HS6ST3: variants seen among roughly 807,000 people sequenced by gnomAD.
HS6ST3 encodes heparan sulfate 6-O-sulfotransferase 3.
A neutral mutation model predicts 36.7 loss-of-function variants in HS6ST3; 12 were observed. The observed-to-expected ratio is 0.33, with a 90% CI of 0.21 to 0.53. HS6ST3 has a LOEUF of 0.53. Among genes scored for constraint, HS6ST3 ranks in the 20% least tolerant of loss-of-function variants. The pLI is 0.95. For missense variants in HS6ST3, 584 were observed against 640.9 expected (o/e 0.91, Z 0.96); for synonymous variants, 240 against 257.5 (o/e 0.93, Z 0.65).
At chr13:96,591,129 G>A (rs1446578893) in intron 1 of HS6ST3, among the ~76,000 whole-genome samples, 1 of 151,722 alleles carries the variant, frequency 6.6e-6, no homozygotes, top group Non-Finnish European at 1.5e-5. Flanking sequence ...CAGGTAAGGT[G>A]ACTCTTCTAG....
rs373598763 is a variant in HS6ST3, at chr13:96,267,856, C to T, written c.707+176287C>T. On this transcript the variant is annotated intron_variant, in intron 1 of 1. Transcript: ENST00000376705. ...TGCTGGGAGGTTGGTTACCATTGGGCTTATCATGTGAGGATCTTGTTGATA... is the reference window on the plus strand; with the variant it reads ...TGCTGGGAGGTTGGTTACCATTGGGTTTATCATGTGAGGATCTTGTTGATA... 1.3e-4 allele frequency among the ~76,000 whole-genome samples: 20 copies of T among 151,974 alleles called. No individual in the cohort carries two copies. The East Asian group carries it at 3.3e-3, about 25-fold the overall frequency.
At position 96,408,919 on chromosome 13, in the gene HS6ST3, G is replaced by A. The variant is rs1026878505; in HGVS notation, c.707+317350G>A. ...AGCTTTGGTGACAGAGTGAGACTCC[G>A]TCTCAAAAAAAAAGAAAAGAAAAGA... On this transcript the variant is annotated intron_variant, in intron 1 of 1. Coordinates refer to ENST00000376705, the MANE Select transcript of HS6ST3 (RefSeq NM_153456.4). Among the ~76,000 whole-genome samples the A allele has an allele frequency of 4.9e-4, 74 of 151,646 alleles. 1 individual carries two copies. The highest frequency in any genetic ancestry group is 2.1e-4 in the South Asian group (1 of 4,810).
At chr13:96,134,079 TC>T (rs1418358691) in intron 1 of HS6ST3, among the ~76,000 whole-genome samples, 1 of 152,140 alleles carries the variant, frequency 6.6e-6, no homozygotes, top group Admixed American at 6.5e-5. Flanking sequence ...TTTGTTGAAA[TC>T]CAGTTGACTG....
At chr13:96,398,245 C>G (rs1357942166) in intron 1 of HS6ST3, among the ~76,000 whole-genome samples, 1 of 152,054 alleles carries the variant, frequency 6.6e-6, no homozygotes, top group Admixed American at 6.6e-5. Flanking sequence ...AGCATCCTGC[C>G]TTGTCTCATT....
chr13:96,479,559 A>T (rs918732046), intron 1 of HS6ST3, among the ~76,000 whole-genome samples: 2 of 152,208 alleles, frequency 1.3e-5, no homozygotes, highest in Non-Finnish European at 1.5e-5. Context: ...CCATCAATAC[A>T]GGTGAGAGGG....
intron 1 of HS6ST3, among the ~76,000 whole-genome samples, chr13:96,555,405 G>A (rs958456900): frequency 2.0e-5 from 3 of 152,108 alleles, no homozygotes; most frequent in Non-Finnish European, 2.9e-5. Context: ...AGTGGGCTTG[G>A]TGCATATTTT....
chr13:96,359,091 G>T (rs2055224576), intron 1 of HS6ST3, among the ~76,000 whole-genome samples: 1 of 152,092 alleles, frequency 6.6e-6, no homozygotes, highest in Non-Finnish European at 1.5e-5. Flanking sequence ...GCTTTAGAAG[G>T]TACTTGGTGC....
chr13:96,163,222 A>ATT (rs147731415), intron 1 of HS6ST3, among the ~76,000 whole-genome samples: 910 of 79,068 alleles, frequency 0.012, 3 homozygotes, highest in Non-Finnish European at 0.013. Flanking sequence ...TCTGAGATAC[A>ATT]TTTTTTTTTT....
intron 1 of HS6ST3, among the ~76,000 whole-genome samples, chr13:96,792,835 T>A: frequency 6.6e-6 from 1 of 152,062 alleles, no homozygotes; most frequent in East Asian, 1.9e-4. Context: ...CCTCTTGTAA[T>A]GAGAAACTTG....
At chr13:96,388,942 C>G (rs1246495451) in intron 1 of HS6ST3, among the ~76,000 whole-genome samples, 1 of 152,180 alleles carries the variant, frequency 6.6e-6, no homozygotes, top group Admixed American at 6.5e-5. Flanking sequence ...TACCCAGTCT[C>G]AGGTACTTCT....
intron 1 of HS6ST3, among the ~76,000 whole-genome samples, chr13:96,343,199 T>C (rs990224556): frequency 1.3e-5 from 2 of 152,240 alleles, no homozygotes. Flanking sequence ...GCTGCTGTTG[T>C]AACCAAGTAC....
At chr13:96,248,109 A>G (rs941460676) in intron 1 of HS6ST3, among the ~76,000 whole-genome samples, 12 of 152,256 alleles carry the variant, frequency 7.9e-5, no homozygotes, top group African/African-American at 2.9e-4. Context: ...GTAAACTCTC[A>G]TTATTCAAAT....
chr13:96,196,005 ATTTC>A (rs2054311115), intron 1 of HS6ST3, among the ~76,000 whole-genome samples: 1 of 151,880 alleles, frequency 6.6e-6, no homozygotes, highest in African/African-American at 2.4e-5. Context: ...GAACCAAACA[ATTTC>A]TTTCTATTTT....
chr13:96,598,438 A>G (rs1031648692), intron 1 of HS6ST3, among the ~76,000 whole-genome samples: 2 of 151,862 alleles, frequency 1.3e-5, no homozygotes, highest in Non-Finnish European at 2.9e-5. Flanking sequence ...TTTTGTAGCT[A>G]TTGTAAAAGG....
At chr13:96,829,798 A>G (rs1393782748) in intron 1 of HS6ST3, among the ~76,000 whole-genome samples, 1 of 152,190 alleles carries the variant, frequency 6.6e-6, no homozygotes, top group Non-Finnish European at 1.5e-5. Flanking sequence ...ATAGTGTTGC[A>G]AAGAACATAC....
rs1566879538 is a variant in HS6ST3, at chr13:96,091,099, CGAGGGACCTCGGGGGGCCGCGGCGCCG to C, written c.242_268del (p.Gly81_Glu89del). ...TGCCCCCGCCGCCCCGGGGGCCCCC[CGAGGGACCTCGGGGGGCCGCGGCGCCG>C]GAGGAGGAGGACGAGGAGCCCGGAG... On this transcript the variant is annotated inframe_deletion, in exon 1 of 2. Coordinates refer to ENST00000376705, the MANE Select transcript of HS6ST3 (RefSeq NM_153456.4). 12 of 1,358,318 alleles carry C rather than the reference CGAGGGACCTCGGGGGGCCGCGGCGCCG, an allele frequency of 8.8e-6. No homozygotes were observed. Among genetic ancestry groups the C allele is most frequent in the African/African-American group, 1.5e-5 (1 of 65,064 alleles). The allele number at this position is 1,358,318 out of a possible 1,614,324, so 84.1% of individuals were successfully genotyped here. A position where few individuals can be genotyped will look rare whatever the true frequency, so the allele number is the denominator to read the frequency against.
At chr13:96,344,554 T>C (rs2055144662) in intron 1 of HS6ST3, among the ~76,000 whole-genome samples, 1 of 152,238 alleles carries the variant, frequency 6.6e-6, no homozygotes, top group Non-Finnish European at 1.5e-5. Flanking sequence ...TCTTTGCTAC[T>C]GATTGGTCAT....
At chr13:96,717,570 A>G (rs1384610549) in intron 1 of HS6ST3, among the ~76,000 whole-genome samples, 1 of 152,260 alleles carries the variant, frequency 6.6e-6, no homozygotes, top group East Asian at 1.9e-4. Flanking sequence ...GAAGAAAGAA[A>G]TAAGTAAATG....
At chr13:96,177,264 T>G (rs1395430964) in intron 1 of HS6ST3, among the ~76,000 whole-genome samples, 1 of 152,186 alleles carries the variant, frequency 6.6e-6, no homozygotes, top group African/African-American at 2.4e-5. Flanking sequence ...AGCAGTCCCA[T>G]TACTGGGTAT....
Sources: allele counts gnomAD v4.1 joint callset (sites outside exome capture counted in the v4.1 genomes callset), GRCh38; gene constraint gnomAD v4.1.1; transcripts MANE v1.5; gene names NCBI Gene and HGNC (gene_info 2026-07-23, HGNC 2026-07-21).